Variants in GREB1L observed in about 807,000 individuals in gnomAD.
GREB1L encodes GREB1-like protein.
GREB1L carries 17 observed loss-of-function variants against 200.8 expected under a neutral mutation model. The observed-to-expected ratio is 0.08, with a 90% CI of 0.06 to 0.13. The LOEUF (loss-of-function observed/expected upper bound fraction) is 0.13, where lower values mean the gene tolerates loss of function less well. Among genes scored for constraint, GREB1L ranks in the 10% least tolerant of loss-of-function variants. GREB1L has a pLI of 1.00. For synonymous variants in GREB1L, 789 were observed against 893.0 expected (o/e 0.88, Z 2.08); for missense variants, 1,657 against 2,367.7 (o/e 0.70, Z 6.23).
intron 1 of GREB1L, among the ~76,000 whole-genome samples, chr18:21,335,402 A>G (rs1191389577): frequency 6.6e-6 from 1 of 152,198 alleles, no homozygotes; most frequent in Non-Finnish European, 1.5e-5. Context: ...GTGTCTTTGG[A>G]TGTATATCAA....
intron 4 of GREB1L, among the ~76,000 whole-genome samples, chr18:21,385,041 G>A (rs1336565031): frequency 6.6e-6 from 1 of 151,928 alleles, no homozygotes; most frequent in Non-Finnish European, 1.5e-5. Flanking sequence ...GTATTTCATG[G>A]TTTTGGTGAT....
At chr18:21,499,514 T>A (rs756691951) in intron 21 of GREB1L, among the ~76,000 whole-genome samples, 1 of 152,174 alleles carries the variant, frequency 6.6e-6, no homozygotes, top group Non-Finnish European at 1.5e-5. Flanking sequence ...CCCCATCTCC[T>A]GCTGGTGGCT....
intron 1 of GREB1L, among the ~76,000 whole-genome samples, chr18:21,298,369 A>G (rs1330760766): frequency 1.3e-5 from 2 of 152,212 alleles, no homozygotes; most frequent in Non-Finnish European, 2.9e-5. Flanking sequence ...TTGAAAAGTA[A>G]CTGTGGTATC....
intron 12 of GREB1L, chr18:21,450,749 A>G: frequency 3.6e-6 from 1 of 278,558 alleles, no homozygotes; most frequent in Non-Finnish European, 6.8e-6. Context: ...TTCCTTAGTC[A>G]TTAAACACAA....
intron 7 of GREB1L, among the ~76,000 whole-genome samples, chr18:21,413,976 A>G (rs1158962180): frequency 1.3e-5 from 2 of 152,256 alleles, no homozygotes; most frequent in Non-Finnish European, 2.9e-5. Context: ...AAAGGTGAAC[A>G]GTGGTGTGAC....
In GREB1L at chr18:21,327,538, T is replaced by A. The variant is rs2039040833; in HGVS notation, c.-119-38489T>A. On this transcript the variant is annotated intron_variant, in intron 1 of 32. Coordinates refer to ENST00000424526, the MANE Select transcript of GREB1L (RefSeq NM_001142966.3). ...CTCTTCCTGTTCCCACTCTTCCATT[T>A]TTATCTTTGAATTATCTTTTTGAAT... Among the ~76,000 whole-genome samples, 5 of 152,140 alleles carry A rather than the reference T, an allele frequency of 3.3e-5. No individual in the cohort carries two copies. The South Asian group carries it at 1.0e-3, about 32-fold the overall frequency.
chr18:21,289,298 T>G (rs2038408670), intron 1 of GREB1L, among the ~76,000 whole-genome samples: 1 of 152,104 alleles, frequency 6.6e-6, no homozygotes, highest in Non-Finnish European at 1.5e-5. Context: ...GCCTGTAATC[T>G]CAATGCTTTG....
chr18:21,288,110 C>T (rs1195958362), intron 1 of GREB1L, among the ~76,000 whole-genome samples: 1 of 152,070 alleles, frequency 6.6e-6, no homozygotes, highest in African/African-American at 2.4e-5. Flanking sequence ...GCTTAAAAAT[C>T]ATTTTTAACT....
At chr18:21,274,564 C>T (rs549236523) in intron 1 of GREB1L, among the ~76,000 whole-genome samples, 6 of 152,198 alleles carry the variant, frequency 3.9e-5, no homozygotes, top group Non-Finnish European at 7.4e-5. Context: ...ACATGTGCCA[C>T]CATGCCCGGC....
At chr18:21,359,459 TAAATA>T (rs1205844878) in intron 1 of GREB1L, among the ~76,000 whole-genome samples, 1 of 151,942 alleles carries the variant, frequency 6.6e-6, no homozygotes, top group African/African-American at 2.4e-5. Flanking sequence ...CAAAAAAAAA[TAAATA>T]AATAAAATCA....
rs1598845292 is a variant in GREB1L, at chr18:21,441,471, G to A, written c.1141G>A (p.Gly381Arg). Residue 381 changes from glycine to arginine, a missense_variant, in exon 10 of 33, where the codon GGG (glycine) becomes AGG (arginine). Gly to Arg is a moderately radical substitution (Grantham distance 125). This residue lies in a region of GREB1L where 289 missense variants were observed against 345.1 expected (regional missense o/e 0.84). Transcript: ENST00000424526. Reference sequence around the variant, plus strand: ...TTTACAACCCAGGCCCATTCCTGCAGGGGAAACTGTAATTGTTCCTGAAAA... The same window carrying A: ...TTTACAACCCAGGCCCATTCCTGCAAGGGAAACTGTAATTGTTCCTGAAAA... ...GILQPRPIPA[G>R]ETVIVPENLL... 1.3e-6 allele frequency: 2 copies of A among 1,551,456 alleles called. No individual in the cohort carries two copies. The highest frequency in any genetic ancestry group is 1.7e-6 in the Non-Finnish European group (2 of 1,146,794).
chr18:21,360,678 T>A (rs1378839185), intron 1 of GREB1L, among the ~76,000 whole-genome samples: 1 of 152,252 alleles, frequency 6.6e-6, no homozygotes, highest in Non-Finnish European at 1.5e-5. Context: ...GACATTGAGA[T>A]AGAATTTATC....
intron 17 of GREB1L, among the ~76,000 whole-genome samples, chr18:21,484,789 C>T (rs1209626589): frequency 6.6e-6 from 1 of 152,120 alleles, no homozygotes; most frequent in African/African-American, 2.4e-5. Flanking sequence ...CACCATTGCA[C>T]TCCAGCCTGG....
In GREB1L at chr18:21,525,012, G is replaced by GTGTGTATATATATATATATATA. The variant is rs55641891; in HGVS notation, c.*2192_*2193insGTGTATATATATATATATATAT. Reference sequence around the variant, plus strand: ...AAGCACAGGACACCATGATTTGTGTGTATATATATATATATCCTAGTGTGT... The same window carrying GTGTGTATATATATATATATATA: ...AAGCACAGGACACCATGATTTGTGTGTGTGTATATATATATATATATATATATATATATATATCCTAGTGTGT... On this transcript the variant is annotated 3_prime_UTR_variant, in exon 33 of 33. Transcript: ENST00000424526. 141 of 145,172 alleles carry GTGTGTATATATATATATATATA rather than the reference G, an allele frequency of 9.7e-4. No homozygotes were observed. The highest frequency in any genetic ancestry group is 3.4e-3 in the African/African-American group (136 of 40,210). 9.0% of individuals were successfully genotyped at this position (145,172 alleles called of 1,614,324 possible). A position where few individuals can be genotyped will look rare whatever the true frequency, so the allele number is the denominator to read the frequency against.
intron 2 of GREB1L, among the ~76,000 whole-genome samples, chr18:21,371,280 T>C (rs1053460013): frequency 6.6e-6 from 1 of 152,078 alleles, no homozygotes; most frequent in Non-Finnish European, 1.5e-5. Context: ...CATCTCATGA[T>C]TTGTATATAT....
At chr18:21,429,127 CT>C (rs2032907654) in intron 7 of GREB1L, among the ~76,000 whole-genome samples, 2 of 131,548 alleles carry the variant, frequency 1.5e-5, no homozygotes, top group African/African-American at 6.4e-5. Context: ...TCCTTCCTTC[CT>C]TCCTTCCTTC....
At chr18:21,303,962 T>G (rs1217147737) in intron 1 of GREB1L, among the ~76,000 whole-genome samples, 3 of 152,198 alleles carry the variant, frequency 2.0e-5, no homozygotes, top group Non-Finnish European at 4.4e-5. Context: ...CACATTTCTG[T>G]GAAATTTTGT....
intron 17 of GREB1L, among the ~76,000 whole-genome samples, chr18:21,481,012 AAAAG>A (rs1194157257): frequency 4.6e-5 from 7 of 152,092 alleles, no homozygotes; most frequent in South Asian, 2.1e-4. Flanking sequence ...AGATTAAAAA[AAAAG>A]AAAGAAAGAA....
chr18:21,291,726 AC>A (rs1021218289), intron 1 of GREB1L, among the ~76,000 whole-genome samples: 1 of 152,118 alleles, frequency 6.6e-6, no homozygotes, highest in Admixed American at 6.5e-5. Context: ...ATAAGGTTGA[AC>A]TCATGCAGCT....
Sources: allele counts gnomAD v4.1 joint callset (sites outside exome capture counted in the v4.1 genomes callset), GRCh38; gene constraint gnomAD v4.1.1; regional missense constraint gnomAD v4.1.1; transcripts MANE v1.5; gene names NCBI Gene and HGNC (gene_info 2026-07-23, HGNC 2026-07-21).